PLXNA4: variants seen among roughly 807,000 people sequenced by gnomAD.
PLXNA4 encodes plexin A4.
In PLXNA4, 44 loss-of-function variants were observed where a neutral mutation model predicts 191.8. That is an observed-to-expected ratio of 0.23 (90% confidence interval 0.18 to 0.29). The LOEUF is 0.29. PLXNA4 is among the 10% of genes least tolerant of loss of function. PLXNA4 has a pLI of 1.00. For missense variants in PLXNA4, 1,800 were observed against 2,488.8 expected, an observed-to-expected ratio of 0.72 and a Z score of 5.89; for synonymous variants, 1,082 against 1,009.5, an observed-to-expected ratio of 1.07 and a Z score of -1.36.
At chr7:132,178,713 T>TACACACACACACACAC (rs56218462) in intron 20 of PLXNA4, among the ~76,000 whole-genome samples, 3,531 of 111,988 alleles carry the variant, frequency 0.032, 328 homozygotes, top group South Asian at 0.088. Flanking sequence ...CACATACACA[T>TACACACACACACACAC]ACACACACAC....
At chr7:132,175,834 A>G (rs1562898655) in intron 20 of PLXNA4, among the ~76,000 whole-genome samples, 3 of 152,244 alleles carry the variant, frequency 2.0e-5, no homozygotes, top group Admixed American at 1.3e-4. Context: ...CACATGGACC[A>G]CCAGGATGGA....
intron 2 of PLXNA4, among the ~76,000 whole-genome samples, chr7:132,601,650 C>T (rs1802823044): frequency 6.6e-6 from 1 of 152,204 alleles, no homozygotes; most frequent in Admixed American, 6.5e-5. Flanking sequence ...TACCCGGAAG[C>T]TTTCATGGTA....
rs934762873 is a variant in PLXNA4, at chr7:132,125,367, A to G, written c.*5112T>C. 1.3e-5 allele frequency: 2 copies of G among 151,808 alleles called. No individual in the cohort carries two copies. The highest frequency in any genetic ancestry group is 4.8e-5 in the African/African-American group (2 of 41,294). 9.4% of individuals were successfully genotyped at this position (151,808 alleles called of 1,614,324 possible). A position where few individuals can be genotyped will look rare whatever the true frequency, so the allele number is the denominator to read the frequency against. On this transcript the variant is annotated 3_prime_UTR_variant, in exon 32 of 32. Coordinates refer to ENST00000321063, the MANE Select transcript of PLXNA4 (RefSeq NM_020911.2). ...AATAGCAGCAGCCATGTGAGATGCC[A>G]CCCCTAGCATTGTCCTCATCCAGGG...
At position 132,182,232 on chromosome 7, in the gene PLXNA4, A is replaced by G. The variant is rs73499361; in HGVS notation, c.3159-42T>C. On this transcript the variant is annotated intron_variant, in intron 16 of 31. Coordinates refer to ENST00000321063, the MANE Select transcript of PLXNA4 (RefSeq NM_020911.2). Reference sequence around the variant, plus strand: ...AAGGAGATGTGTAAATGATAAGTTCAGGAAGAGCAATGGCACTCTACAATG... The same window carrying G: ...AAGGAGATGTGTAAATGATAAGTTCGGGAAGAGCAATGGCACTCTACAATG... 2.0e-3 allele frequency: 3,273 copies of G among 1,608,970 alleles called. 45 individuals carry two copies. The African/African-American group carries it at 0.036, about 18-fold the overall frequency.
intron 1 of PLXNA4, among the ~76,000 whole-genome samples, chr7:132,558,140 T>C (rs1033361184): frequency 6.6e-6 from 1 of 152,226 alleles, no homozygotes; most frequent in South Asian, 2.1e-4. Context: ...TGTACTACTG[T>C]CTGCACACAA....
intron 2 of PLXNA4, among the ~76,000 whole-genome samples, chr7:132,607,222 C>T (rs1400581872): frequency 6.6e-6 from 1 of 152,216 alleles, no homozygotes. Flanking sequence ...TACACATACA[C>T]CCAAGAGACA....
At chr7:132,268,936 G>A (rs966836071) in intron 4 of PLXNA4, among the ~76,000 whole-genome samples, 5 of 152,200 alleles carry the variant, frequency 3.3e-5, no homozygotes, top group African/African-American at 1.2e-4. Flanking sequence ...ACTTCATTTA[G>A]GGCTGGTGAA....
chr7:132,432,736 A>T (rs1795313196), intron 3 of PLXNA4, among the ~76,000 whole-genome samples: 1 of 152,224 alleles, frequency 6.6e-6, no homozygotes, highest in South Asian at 2.1e-4. Flanking sequence ...TTTGAATAAA[A>T]GTGAAAAAAA....
chr7:132,473,236 A>AGTTGATT (rs1464612711), intron 3 of PLXNA4, among the ~76,000 whole-genome samples: 10 of 152,184 alleles, frequency 6.6e-5, no homozygotes, highest in Admixed American at 2.6e-4. Context: ...CTACCTCTGC[A>AGTTGATT]TGGCTCTGAA....
chr7:132,192,010 T>G (rs1584822136), intron 14 of PLXNA4, among the ~76,000 whole-genome samples: 1 of 152,112 alleles, frequency 6.6e-6, no homozygotes, highest in African/African-American at 2.4e-5. Flanking sequence ...TGAACCCCAT[T>G]ATATGTGCGT....
chr7:132,422,242 T>C (rs2117149059), intron 3 of PLXNA4, among the ~76,000 whole-genome samples: 1 of 152,342 alleles, frequency 6.6e-6, no homozygotes, highest in Middle Eastern at 3.4e-3. Context: ...TCTGACTTCC[T>C]GCAGAACAAT....
intron 3 of PLXNA4, among the ~76,000 whole-genome samples, chr7:132,336,185 C>T (rs1014072376): frequency 6.6e-6 from 1 of 152,210 alleles, no homozygotes; most frequent in Non-Finnish European, 1.5e-5. Context: ...TCCACACCAA[C>T]TCTGTTTCTG....
chr7:132,621,148 A>C (rs148210196), intron 2 of PLXNA4, among the ~76,000 whole-genome samples: 148 of 152,156 alleles, frequency 9.7e-4, no homozygotes, highest in African/African-American at 3.3e-3. Context: ...CCATAGCACC[A>C]TTCCATGCTA....
At chr7:132,252,609 G>A (rs928620582) in intron 4 of PLXNA4, among the ~76,000 whole-genome samples, 2 of 152,060 alleles carry the variant, frequency 1.3e-5, no homozygotes, top group African/African-American at 4.8e-5. Context: ...CCTCTAAAAG[G>A]GTTTTATGCC....
At chr7:132,278,758 C>G (rs1198859494) in intron 4 of PLXNA4, among the ~76,000 whole-genome samples, 1 of 152,214 alleles carries the variant, frequency 6.6e-6, no homozygotes, top group African/African-American at 2.4e-5. Context: ...TCGGTGCACA[C>G]AGTGAATGCA....
At chr7:132,383,960 C>A in intron 3 of PLXNA4, 2 of 985,438 alleles carry the variant, frequency 2.0e-6, no homozygotes, top group Non-Finnish European at 2.4e-6. Context: ...TCAACTCTTT[C>A]AAAGTCCTTG....
At position 132,540,517 on chromosome 7, in the gene PLXNA4, T is replaced by C. The variant is rs1800026812; in HGVS notation, c.-86-31738A>G. Among the ~76,000 whole-genome samples, 2 of 146,416 alleles carry C rather than the reference T, an allele frequency of 1.4e-5. 1 individual carries two copies. Among genetic ancestry groups the C allele is most frequent in the South Asian group, 4.4e-4 (2 of 4,580 alleles). ...ATTCCCCAAATTTCCCCAAAGTTCA[T>C]ACAGGAAATGGATGTTGGCTCAAGA... On this transcript the variant is annotated intron_variant, in intron 1 of 31. Transcript: ENST00000321063.
At chr7:132,487,733 G>T (rs149492971) in intron 3 of PLXNA4, among the ~76,000 whole-genome samples, 4 of 152,110 alleles carry the variant, frequency 2.6e-5, no homozygotes, top group Non-Finnish European at 5.9e-5. Context: ...AGGAAGACCC[G>T]GGAAGGCAGC....
chr7:132,204,047 A>T (rs943291558), intron 10 of PLXNA4, among the ~76,000 whole-genome samples: 1 of 152,084 alleles, frequency 6.6e-6, no homozygotes, highest in African/African-American at 2.4e-5. Context: ...TGACGGGGGA[A>T]ATCCTGAGGA....
Sources: gnomAD v4.1 joint callset for allele counts (sites outside exome capture counted in the v4.1 genomes callset) on GRCh38, gnomAD v4.1.1 for gene constraint, MANE v1.5 for transcripts, NCBI Gene and HGNC (gene_info 2026-07-23, HGNC 2026-07-21) for gene names.